The following TTC6 variants were observed in gnomAD, a reference collection of about 807,000 sequenced individuals.
TTC6 encodes the protein tetratricopeptide repeat domain 6.
TTC6 carries 172 observed loss-of-function variants against 210.4 expected under a neutral mutation model. The observed-to-expected ratio is 0.82, with a 90% CI of 0.72 to 0.93. The LOEUF (loss-of-function observed/expected upper bound fraction) is 0.93, where lower values mean the gene tolerates loss of function less well. Ranked by LOEUF, TTC6 falls within the 40% of genes least tolerant of loss-of-function variation. The probability of loss-of-function intolerance (pLI) is 0.00; values close to 1 mark genes in which losing one functional copy is unlikely to be tolerated. For missense variants in TTC6, 2,414 were observed against 2,318.1 expected (o/e 1.04, Z -0.85); for synonymous variants, 804 against 819.6 (o/e 0.98, Z 0.32).
intron 14 of TTC6, among the ~76,000 whole-genome samples, chr14:37,769,574 T>G (rs2096011148): frequency 6.6e-6 from 1 of 152,228 alleles, no homozygotes; most frequent in Non-Finnish European, 1.5e-5. Context: ...TTCTAGATTT[T>G]CTAGTTTATT....
rs369754654 is a variant in TTC6, at chr14:37,808,345, T to C, written c.4456-388T>C. Among the ~76,000 whole-genome samples, 11 of 152,212 alleles carry C rather than the reference T, an allele frequency of 7.2e-5. No homozygotes were observed. The East Asian group carries it at 2.1e-3, about 29-fold the overall frequency. On this transcript the variant is annotated intron_variant, in intron 23 of 30. Transcript: ENST00000553443. ...GTGGGTAGAAAACATGACGATTATGTGATATGGTAGTCAGAGTGACAGAAG... is the reference window on the plus strand; with the variant it reads ...GTGGGTAGAAAACATGACGATTATGCGATATGGTAGTCAGAGTGACAGAAG...
At chr14:37,677,876 A>G (rs1380778918) in intron 1 of TTC6, among the ~76,000 whole-genome samples, 3 of 152,012 alleles carry the variant, frequency 2.0e-5, no homozygotes, top group Non-Finnish European at 4.4e-5. Context: ...TAGATGTCAC[A>G]TTTCATTCTG....
intron 1 of TTC6, among the ~76,000 whole-genome samples, chr14:37,635,706 C>T (rs528060721): frequency 3.3e-5 from 5 of 152,080 alleles, no homozygotes; most frequent in Admixed American, 1.3e-4. Context: ...TGGCTGGGTG[C>T]GGTGGCTCAC....
intron 14 of TTC6, among the ~76,000 whole-genome samples, chr14:37,777,517 C>G (rs2096041397): frequency 1.3e-5 from 2 of 152,168 alleles, no homozygotes; most frequent in Middle Eastern, 6.8e-3. Flanking sequence ...TATTGTATTC[C>G]TTAGAATCCT....
intron 7 of TTC6, among the ~76,000 whole-genome samples, chr14:37,730,510 C>T (rs1160043350): frequency 6.6e-6 from 1 of 152,172 alleles, no homozygotes; most frequent in Non-Finnish European, 1.5e-5. Flanking sequence ...TTAATGTTCA[C>T]TCTGTGCATC....
intron 14 of TTC6, among the ~76,000 whole-genome samples, chr14:37,778,534 GA>G (rs1213988757): frequency 6.6e-6 from 1 of 152,164 alleles, no homozygotes; most frequent in Non-Finnish European, 1.5e-5. Context: ...TTGAGGAAGG[GA>G]TGGTGAAATC....
At chr14:37,707,168 T>C (rs998982351) in intron 5 of TTC6, among the ~76,000 whole-genome samples, 1 of 152,080 alleles carries the variant, frequency 6.6e-6, no homozygotes, top group Non-Finnish European at 1.5e-5. Context: ...CTCCTACTCA[T>C]CTTGATGCTT....
At chr14:37,771,612 T>C (rs2096019081) in intron 14 of TTC6, among the ~76,000 whole-genome samples, 1 of 152,230 alleles carries the variant, frequency 6.6e-6, no homozygotes, top group Non-Finnish European at 1.5e-5. Context: ...CTGAGGCTTC[T>C]GCATTCTTCA....
intron 6 of TTC6, among the ~76,000 whole-genome samples, chr14:37,722,788 T>A (rs2095864385): frequency 6.6e-6 from 1 of 152,190 alleles, no homozygotes; most frequent in Admixed American, 6.5e-5. Flanking sequence ...CTAGGTAGTG[T>A]TTACCAGGTT....
chr14:37,749,665 C>T, intron 11 of TTC6, 49 bp from the exon 14 acceptor site: 2 of 1,226,872 alleles, frequency 1.6e-6, no homozygotes, highest in Non-Finnish European at 2.1e-6. Flanking sequence ...GATAGGATAT[C>T]CTCCTTTAAC....
chr14:37,826,547 A>C (rs961502370), intron 28 of TTC6, among the ~76,000 whole-genome samples, 200 bp downstream of exon 30: 4 of 152,072 alleles, frequency 2.6e-5, no homozygotes, highest in African/African-American at 2.4e-5. Context: ...CTAAAACCCC[A>C]AAGTTCTGAT....
At chr14:37,794,327 C>T (rs2096087218) in intron 17 of TTC6, among the ~76,000 whole-genome samples, 1 of 152,184 alleles carries the variant, frequency 6.6e-6, no homozygotes. Flanking sequence ...ACCATTTCCT[C>T]CAAACATTTA....
At position 37,598,196 on chromosome 14, in the gene TTC6, G is replaced by A. The variant is rs969911974; in HGVS notation, c.-235+2188G>A. Among the ~76,000 whole-genome samples the A allele has an allele frequency of 6.6e-6, 1 of 152,192 alleles. No individual in the cohort carries two copies. The highest frequency in any genetic ancestry group is 1.5e-5 in the Non-Finnish European group (1 of 68,038). On this transcript the variant is annotated intron_variant, in intron 1 of 2. Coordinates refer to the TTC6 transcript ENST00000556845. This position sits in a 1 kb window ranked among gnomAD's most constrained non-coding sequence, Gnocchi z 4.9. ...CTTTGCAAGGATTGTGCTGCTCGTT[G>A]GAGGAAACCAGGCCTGTCTTCAGCT...
chr14:37,617,014 C>T (rs905493032), intron 2 of TTC6, among the ~76,000 whole-genome samples: 1 of 152,000 alleles, frequency 6.6e-6, no homozygotes, highest in Non-Finnish European at 1.5e-5. Flanking sequence ...CTAGCTGGAA[C>T]CAGAGGCATG....
chr14:37,637,030 G>A (rs1675758961), intron 1 of TTC6, among the ~76,000 whole-genome samples: 1 of 152,104 alleles, frequency 6.6e-6, no homozygotes, highest in Non-Finnish European at 1.5e-5. Flanking sequence ...AAGTGCAGAA[G>A]CAGTTAACTT....
intron 7 of TTC6, among the ~76,000 whole-genome samples, chr14:37,729,891 G>C (rs1312837362): frequency 2.0e-5 from 3 of 152,124 alleles, no homozygotes; most frequent in African/African-American, 7.2e-5. Context: ...GTTGAAGGTA[G>C]GCAAAATTGT....
intron 1 of TTC6, among the ~76,000 whole-genome samples, chr14:37,655,550 T>G (rs1374586136): frequency 1.3e-5 from 2 of 152,314 alleles, no homozygotes; most frequent in African/African-American, 4.8e-5. Context: ...TCTTGAACTT[T>G]CTGCCATGTC....
chr14:37,654,929 A>C (rs1249728411), intron 1 of TTC6, among the ~76,000 whole-genome samples: 1 of 152,198 alleles, frequency 6.6e-6, no homozygotes, highest in Admixed American at 6.5e-5. Context: ...ATTTATGTTT[A>C]TCTGAAGATT....
At chr14:37,796,634 AAATAGATC>A (rs1356263440) in intron 19 of TTC6, among the ~76,000 whole-genome samples, 145 bp from the exon 22 acceptor site, 1 of 152,142 alleles carries the variant, frequency 6.6e-6, no homozygotes, top group East Asian at 1.9e-4. Flanking sequence ...TACTGGTAGT[AAATAGATC>A]TTACTATGAT....
Sources: gnomAD v4.1 joint callset for allele counts (sites outside exome capture counted in the v4.1 genomes callset) on GRCh38, gnomAD v4.1.1 for gene constraint, Gnocchi (gnomAD v3.1) non-coding constraint, MANE v1.5 for transcripts, NCBI Gene and HGNC (gene_info 2026-07-23, HGNC 2026-07-21) for gene names.